The following GRM5 variants were observed in gnomAD, a reference collection of about 807,000 sequenced individuals.
GRM5 encodes metabotropic glutamate receptor 5.
Under a neutral mutation model 83.1 loss-of-function variants are expected in GRM5, and 19 were observed. That is an observed-to-expected ratio of 0.23 (90% confidence interval 0.16 to 0.34). The LOEUF (loss-of-function observed/expected upper bound fraction) is 0.34, where lower values mean the gene tolerates loss of function less well. GRM5 is among the 10% of genes least tolerant of loss of function. GRM5 has a pLI of 1.00. For synonymous variants in GRM5, 675 were observed against 633.6 expected, an observed-to-expected ratio of 1.07 and a Z score of -0.98; for missense variants, 1,160 against 1,588.3, an observed-to-expected ratio of 0.73 and a Z score of 4.58.
intron 2 of GRM5, among the ~76,000 whole-genome samples, chr11:88,869,783 A>G (rs1944732258): frequency 6.6e-6 from 1 of 151,544 alleles, no homozygotes; most frequent in African/African-American, 2.4e-5. Context: ...CAACCTCATG[A>G]AGAAATGAAA....
Position 88,865,713 on chromosome 11 carries a change from GA to G in GRM5, c.662-15559del, listed in dbSNP as rs200356988. ...TACAAGGAACTTAAACAAATTACAAGAAAAAAAAACAACCCCATGAAAAAGT... is the reference window on the plus strand; with the variant it reads ...TACAAGGAACTTAAACAAATTACAAGAAAAAAAACAACCCCATGAAAAAGT... On this transcript the variant is annotated intron_variant, in intron 2 of 9. Transcript: ENST00000305447. Among the ~76,000 whole-genome samples, 20 of 149,656 alleles carry G rather than the reference GA, an allele frequency of 1.3e-4. No individual in the cohort carries two copies. In the East Asian group the frequency reaches 1.4e-3, roughly 10 times the overall value.
intron 4 of GRM5, among the ~76,000 whole-genome samples, chr11:88,612,124 C>T (rs1357658684): frequency 7.0e-6 from 1 of 143,044 alleles, no homozygotes; most frequent in African/African-American, 2.6e-5. Flanking sequence ...CCCCTCCCCC[C>T]ATCCCACCAC....
At chr11:88,681,565 C>CTTTTTGTTTTTTTTTTTTTTTTTTTTTTT (rs1940488756) in intron 3 of GRM5, among the ~76,000 whole-genome samples, 1 of 25,402 alleles carries the variant, frequency 3.9e-5, no homozygotes, top group African/African-American at 1.1e-4. Context: ...TGAGTTCTTC[C>CTTTTTGTTTTTTTTTTTTTTTTTTTTTTT]TTTTTTTTTT....
At chr11:88,863,202 G>A (rs1944597631) in intron 2 of GRM5, among the ~76,000 whole-genome samples, 1 of 152,070 alleles carries the variant, frequency 6.6e-6, no homozygotes, top group Admixed American at 6.6e-5. Context: ...AGATAGTATG[G>A]CAATTCCTCA....
chr11:88,759,165 C>T (rs1232549164), intron 3 of GRM5, among the ~76,000 whole-genome samples: 5 of 151,810 alleles, frequency 3.3e-5, no homozygotes, highest in Admixed American at 6.6e-5. Context: ...ATAAAGCAAC[C>T]AAACAAGTCT....
chr11:88,967,969 C>T lies in GRM5; in HGVS notation c.661+79243G>A, dbSNP rs150795040. Among the ~76,000 whole-genome samples, 545 of 152,196 alleles carry T rather than the reference C, an allele frequency of 3.6e-3. 7 individuals are homozygous for T. The highest frequency in any genetic ancestry group is 0.013 in the African/African-American group (523 of 41,536). ...AAAAATAGAGTGACCATCAAATTTACAGGTGAGTCATGTTTAGGCCTTCCC... is the reference window on the plus strand; with the variant it reads ...AAAAATAGAGTGACCATCAAATTTATAGGTGAGTCATGTTTAGGCCTTCCC... On this transcript the variant is annotated intron_variant, in intron 2 of 9. Transcript: ENST00000305447.
At chr11:88,717,063 G>A (rs577844785) in intron 3 of GRM5, among the ~76,000 whole-genome samples, 1 of 151,970 alleles carries the variant, frequency 6.6e-6, no homozygotes, top group African/African-American at 2.4e-5. Context: ...TATCATGTAT[G>A]TCTATACCTT....
At chr11:88,690,026 C>A (rs541504517) in intron 3 of GRM5, among the ~76,000 whole-genome samples, 4 of 152,214 alleles carry the variant, frequency 2.6e-5, no homozygotes, top group African/African-American at 4.8e-5. Flanking sequence ...TGTTCTCCAA[C>A]TGGGTAAATA....
At chr11:88,538,235 C>A (rs539657718) in intron 8 of GRM5, among the ~76,000 whole-genome samples, 1 of 152,174 alleles carries the variant, frequency 6.6e-6, no homozygotes, top group African/African-American at 2.4e-5. Flanking sequence ...CTGAAGAATT[C>A]CCAAAGGATG....
At position 88,783,545 on chromosome 11, in the gene GRM5, A is replaced by T. The variant is rs545365275; in HGVS notation, c.911+66361T>A. On this transcript the variant is annotated intron_variant, in intron 3 of 9. Transcript: ENST00000305447. The stretch of plus-strand genomic sequence containing the variant: ...CAATAGAAGCAAATGTCATAGTTTG[A>T]GCAGCAACCATATTGTATAGTTAGG... Among the ~76,000 whole-genome samples, 10 of 152,248 alleles carry T rather than the reference A, an allele frequency of 6.6e-5. No homozygotes were observed. In the East Asian group the frequency reaches 1.9e-3, roughly 29 times the overall value.
chr11:88,721,576 ATAAT>A (rs776522979), intron 3 of GRM5, among the ~76,000 whole-genome samples: 1 of 152,154 alleles, frequency 6.6e-6, no homozygotes, highest in Non-Finnish European at 1.5e-5. Context: ...ATAAATGTTA[ATAAT>A]TATTCCAAAC....
chr11:89,038,250 C>T (rs1176861920), intron 2 of GRM5, among the ~76,000 whole-genome samples: 2 of 151,998 alleles, frequency 1.3e-5, no homozygotes, highest in Non-Finnish European at 2.9e-5. Flanking sequence ...ATGTATTTGA[C>T]TATTACACCT....
chr11:88,664,843 C>G (rs982451152), intron 3 of GRM5, among the ~76,000 whole-genome samples: 1 of 151,956 alleles, frequency 6.6e-6, no homozygotes, highest in Non-Finnish European at 1.5e-5. Context: ...ATGATTTGAG[C>G]TATTATAAAA....
chr11:88,946,402 C>T (rs1448559920), intron 2 of GRM5, among the ~76,000 whole-genome samples: 3 of 152,004 alleles, frequency 2.0e-5, no homozygotes, highest in Admixed American at 1.3e-4. Flanking sequence ...CAAAACAAAA[C>T]CAATCTTTCT....
At chr11:88,982,796 G>C (rs1939571539) in intron 2 of GRM5, among the ~76,000 whole-genome samples, 3 of 152,198 alleles carry the variant, frequency 2.0e-5, no homozygotes, top group Admixed American at 1.3e-4. Context: ...GCCGGGTGCA[G>C]TGGCTCATGC....
chr11:88,816,807 A>G (rs947383953), intron 3 of GRM5, among the ~76,000 whole-genome samples: 1 of 150,730 alleles, frequency 6.6e-6, no homozygotes, highest in Non-Finnish European at 1.5e-5. Context: ...TAGAGAAGTT[A>G]TATTGCTACA....
At chr11:89,035,370 T>C (rs747083680) in intron 2 of GRM5, among the ~76,000 whole-genome samples, 31 of 151,998 alleles carry the variant, frequency 2.0e-4, no homozygotes, top group African/African-American at 4.8e-4. Context: ...AATTCAGTAA[T>C]ATATTTTTCA....
rs142402891 is a variant in GRM5, at chr11:88,859,011, T to C, written c.662-8856A>G. On this transcript the variant is annotated intron_variant, in intron 2 of 9. Transcript: ENST00000305447. ...GAGAAGGAATAGCTCACAAAGACAA[T>C]GAAGAAGAAGAGAAACCAAGATAAT... Among the ~76,000 whole-genome samples the C allele has an allele frequency of 5.8e-3, 876 of 151,806 alleles. 14 individuals carry two copies. The highest frequency in any genetic ancestry group is 0.02 in the African/African-American group (839 of 41,406).
intron 5 of GRM5, among the ~76,000 whole-genome samples, chr11:88,603,811 ATTG>A (rs1160112142): frequency 1.3e-5 from 2 of 152,196 alleles, no homozygotes; most frequent in Non-Finnish European, 2.9e-5. Flanking sequence ...TGTGGTGTGA[ATTG>A]TTGGGGATTC....
Sources: gnomAD v4.1 joint callset for allele counts (sites outside exome capture counted in the v4.1 genomes callset) on GRCh38, gnomAD v4.1.1 for gene constraint, MANE v1.5 for transcripts, NCBI Gene and HGNC (gene_info 2026-07-23, HGNC 2026-07-21) for gene names.